CNIH3: variants seen among roughly 807,000 people sequenced by gnomAD.
CNIH3 encodes cornichon family AMPA receptor auxiliary protein 3.
CNIH3 carries 14 observed loss-of-function variants against 24.1 expected under a neutral mutation model. The observed-to-expected ratio is 0.58, with a 90% CI of 0.38 to 0.91. The LOEUF (loss-of-function observed/expected upper bound fraction) is 0.91, where lower values mean the gene tolerates loss of function less well. Among genes scored for constraint, CNIH3 ranks in the 40% least tolerant of loss-of-function variants. The pLI, the probability that CNIH3 is intolerant of heterozygous loss-of-function variation, is 0.00. For synonymous variants in CNIH3, 68 were observed against 73.8 expected (o/e 0.92, Z 0.40); for missense variants, 178 against 196.8 (o/e 0.90, Z 0.57).
At position 224,448,386 on chromosome 1, in the gene CNIH3, G is replaced by A. The variant is rs1675250890; in HGVS notation, n.203+13524G>A. ...TTGGAATGGAAGTGGGGCTACTTTG[G>A]AAGAGGCTGGGGTTAAATTAGCAAT... On this transcript the variant is annotated intron_variant and non_coding_transcript_variant, in intron 1 of 5. Coordinates refer to the CNIH3 transcript ENST00000471578. Among the ~76,000 whole-genome samples the A allele has an allele frequency of 2.6e-5, 4 of 152,204 alleles. No individual in the cohort carries two copies. In the South Asian group the frequency reaches 8.3e-4, roughly 32 times the overall value.
At chr1:224,465,260 C>T (rs1676108214) in intron 1 of CNIH3, among the ~76,000 whole-genome samples, 1 of 152,192 alleles carries the variant, frequency 6.6e-6, no homozygotes, top group Admixed American at 6.5e-5. Flanking sequence ...CAGGCATGCA[C>T]CACCACACCT....
chr1:224,739,368 T>C lies in CNIH3; in HGVS notation c.*12T>C, dbSNP rs780655886. The C allele has an allele frequency of 2.7e-6, 4 of 1,491,102 alleles. No homozygotes were observed. Among genetic ancestry groups the C allele is most frequent in the East Asian group, 2.8e-5 (1 of 35,276 alleles). 92.4% of individuals were successfully genotyped at this position (1,491,102 alleles called of 1,614,324 possible). On this transcript the variant is annotated 3_prime_UTR_variant, in exon 6 of 6. Coordinates refer to ENST00000272133, the MANE Select transcript of CNIH3 (RefSeq NM_152495.2). ...TAGTGAGCTCTTAACGCAAAGACCATGCACATCATCAGAGACTGAGATGGG... is the reference window on the plus strand; with the variant it reads ...TAGTGAGCTCTTAACGCAAAGACCACGCACATCATCAGAGACTGAGATGGG...
At chr1:224,474,754 C>CA (rs1325110050) in intron 1 of CNIH3, among the ~76,000 whole-genome samples, 2 of 151,846 alleles carry the variant, frequency 1.3e-5, no homozygotes, top group African/African-American at 4.8e-5. Flanking sequence ...GGAGCCCGGG[C>CA]CGGTGGCTCA....
At chr1:224,621,249 T>A (rs980988162) in intron 1 of CNIH3, among the ~76,000 whole-genome samples, 3 of 152,244 alleles carry the variant, frequency 2.0e-5, no homozygotes, top group Non-Finnish European at 4.4e-5. Flanking sequence ...GACATACATA[T>A]GTGCCGAGAG....
chr1:224,669,551 C>T (rs1685761833), intron 1 of CNIH3, among the ~76,000 whole-genome samples: 1 of 152,186 alleles, frequency 6.6e-6, no homozygotes. Flanking sequence ...CAGCTTTCCC[C>T]TGCAGTGACT....
intron 1 of CNIH3, among the ~76,000 whole-genome samples, chr1:224,486,018 A>T (rs994412099): frequency 6.6e-6 from 1 of 151,954 alleles, no homozygotes. Flanking sequence ...GTGGTTTATT[A>T]TCCAGGTGAG....
At chr1:224,578,091 A>G (rs1182951179) in intron 4 of CNIH3, among the ~76,000 whole-genome samples, 2 of 152,124 alleles carry the variant, frequency 1.3e-5, no homozygotes, top group Non-Finnish European at 2.9e-5. Flanking sequence ...TGAAGGGTGG[A>G]CCAAAATCTC....
At chr1:224,643,210 TA>T (rs539918386) in intron 1 of CNIH3, among the ~76,000 whole-genome samples, 1 of 152,222 alleles carries the variant, frequency 6.6e-6, no homozygotes, top group South Asian at 2.1e-4. Flanking sequence ...GCCCTGGGAA[TA>T]GGGGGAGAAA....
chr1:224,672,385 G>T (rs1201189137), intron 1 of CNIH3, among the ~76,000 whole-genome samples: 1 of 152,186 alleles, frequency 6.6e-6, no homozygotes, highest in East Asian at 1.9e-4. Context: ...CAAATGGAGT[G>T]TATTTGTTCC....
intron 1 of CNIH3, among the ~76,000 whole-genome samples, chr1:224,625,448 C>T (rs187741242): frequency 5.6e-4 from 85 of 152,212 alleles, no homozygotes; most frequent in African/African-American, 1.5e-3. Context: ...CCCAGCTACT[C>T]GGGATGCTGA....
intron 1 of CNIH3, among the ~76,000 whole-genome samples, chr1:224,676,770 T>G (rs1686159207): frequency 6.6e-6 from 1 of 152,252 alleles, no homozygotes; most frequent in Non-Finnish European, 1.5e-5. Flanking sequence ...GATAGAAGTC[T>G]GCCACATGCA....
chr1:224,682,378 C>G (rs1686445108), intron 2 of CNIH3, among the ~76,000 whole-genome samples: 1 of 152,176 alleles, frequency 6.6e-6, no homozygotes, highest in Non-Finnish European at 1.5e-5. Flanking sequence ...TCCAAAGTCT[C>G]TCATCCTGCC....
At chr1:224,675,783 C>G (rs1572703632) in intron 1 of CNIH3, among the ~76,000 whole-genome samples, 1 of 152,168 alleles carries the variant, frequency 6.6e-6, no homozygotes, top group African/African-American at 2.4e-5. Context: ...ACTCGACACA[C>G]CTACTGAAAT....
chr1:224,506,026 TG>T (rs952506757), intron 1 of CNIH3, among the ~76,000 whole-genome samples: 4 of 152,202 alleles, frequency 2.6e-5, no homozygotes, highest in Admixed American at 2.6e-4. Flanking sequence ...TGCTCCCAGT[TG>T]GAAAGATTGC....
At chr1:224,571,717 T>G (rs931377666) in intron 4 of CNIH3, among the ~76,000 whole-genome samples, 2 of 151,888 alleles carry the variant, frequency 1.3e-5, no homozygotes, top group African/African-American at 4.8e-5. Context: ...AGAGTGAGAC[T>G]CCATCTCAAA....
chr1:224,450,993 C>T (rs1362078780), intron 1 of CNIH3, among the ~76,000 whole-genome samples: 1 of 152,148 alleles, frequency 6.6e-6, no homozygotes, highest in Non-Finnish European at 1.5e-5. Context: ...TTATCTATTC[C>T]TTATTATTTT....
intron 3 of CNIH3, among the ~76,000 whole-genome samples, chr1:224,698,283 A>G (rs1440268703): frequency 1.3e-5 from 2 of 152,250 alleles, no homozygotes; most frequent in Non-Finnish European, 2.9e-5. Context: ...TCCTTTCTGT[A>G]TCAGCCAAAT....
intron 1 of CNIH3, among the ~76,000 whole-genome samples, chr1:224,445,975 C>G (rs1011696707): frequency 2.0e-5 from 3 of 152,118 alleles, no homozygotes; most frequent in Admixed American, 6.6e-5. Context: ...TGTGAATGTC[C>G]AGTTGACCCA....
intron 3 of CNIH3, among the ~76,000 whole-genome samples, chr1:224,713,347 T>C (rs914674914): frequency 6.6e-6 from 1 of 152,222 alleles, no homozygotes; most frequent in Non-Finnish European, 1.5e-5. Context: ...CAGGTATTGT[T>C]ATTGACACCT....
Sources: allele counts gnomAD v4.1 joint callset (sites outside exome capture counted in the v4.1 genomes callset), GRCh38; gene constraint gnomAD v4.1.1; transcripts MANE v1.5; gene names NCBI Gene and HGNC (gene_info 2026-07-23, HGNC 2026-07-21).